SV2C: variants seen among roughly 807,000 people sequenced by gnomAD.
SV2C encodes synaptic vesicle glycoprotein 2C.
A neutral mutation model predicts 79.7 loss-of-function variants in SV2C; 49 were observed. The observed-to-expected ratio is 0.61, with a 90% CI of 0.49 to 0.78. The LOEUF (loss-of-function observed/expected upper bound fraction) is 0.78, where lower values mean the gene tolerates loss of function less well. Ranked by LOEUF, SV2C falls within the 30% of genes least tolerant of loss-of-function variation. SV2C has a pLI of 0.00. For missense variants in SV2C, 833 were observed against 912.9 expected, an observed-to-expected ratio of 0.91 and a Z score of 1.13; for synonymous variants, 334 against 333.2, an observed-to-expected ratio of 1.00 and a Z score of -0.03.
the SV2C span, among the ~76,000 whole-genome samples, chr5:76,051,721 A>G: frequency 6.6e-6 from 1 of 152,224 alleles, no homozygotes; most frequent in African/African-American, 2.4e-5. Context: ...CCCAAAAAAC[A>G]AACAAAATAT....
At chr5:75,982,313 A>G in the SV2C span, among the ~76,000 whole-genome samples, 2 of 152,246 alleles carry the variant, frequency 1.3e-5, no homozygotes, top group Admixed American at 1.3e-4. Context: ...GGACGTGAAC[A>G]GACACTTCTC....
chr5:75,918,427 G>T, the SV2C span, among the ~76,000 whole-genome samples: 1 of 152,196 alleles, frequency 6.6e-6, no homozygotes, highest in African/African-American at 2.4e-5. Context: ...ATGACAATTT[G>T]GTGTGACTTT....
intron 3 of SV2C, among the ~76,000 whole-genome samples, chr5:76,199,555 CTTCT>C (rs1328435453): frequency 3.3e-5 from 5 of 152,202 alleles, no homozygotes; most frequent in Non-Finnish European, 7.3e-5. Context: ...TTCTTATGTT[CTTCT>C]TTCTCTCCTC....
chr5:76,266,389 G>C (rs1424555481), intron 4 of SV2C, among the ~76,000 whole-genome samples: 3 of 152,040 alleles, frequency 2.0e-5, no homozygotes, highest in Non-Finnish European at 4.4e-5. Flanking sequence ...TGTATTTTCA[G>C]TAGAGACAGG....
At chr5:76,116,214 C>T (rs942568641) in intron 1 of SV2C, among the ~76,000 whole-genome samples, 17 of 152,202 alleles carry the variant, frequency 1.1e-4, no homozygotes, top group African/African-American at 3.9e-4. Context: ...GCTCTAACCC[C>T]TTACCCTGCC....
intron 4 of SV2C, among the ~76,000 whole-genome samples, chr5:76,259,687 G>T (rs1746402129): frequency 6.6e-6 from 1 of 151,748 alleles, no homozygotes; most frequent in Non-Finnish European, 1.5e-5. Flanking sequence ...TTATGAGTGA[G>T]AACATGCCGT....
At chr5:76,181,168 A>G (rs1274963635) in intron 2 of SV2C, among the ~76,000 whole-genome samples, 2 of 152,158 alleles carry the variant, frequency 1.3e-5, no homozygotes, top group Admixed American at 6.5e-5. Flanking sequence ...GAGTCCATAA[A>G]TGACAACCAA....
chr5:76,266,496 C>A (rs1031313750), intron 4 of SV2C, among the ~76,000 whole-genome samples: 8 of 152,238 alleles, frequency 5.3e-5, no homozygotes, highest in Non-Finnish European at 1.0e-4. Flanking sequence ...GCATGAGCCA[C>A]TGCACCCAGG....
At chr5:76,292,374 C>T (rs1164398970) in intron 8 of SV2C, among the ~76,000 whole-genome samples, 5 of 152,178 alleles carry the variant, frequency 3.3e-5, no homozygotes, top group Non-Finnish European at 1.5e-5. Context: ...CTACTTTACC[C>T]CACAGCACTT....
chr5:76,098,400 CA>C (rs1230094002), intron 1 of SV2C, among the ~76,000 whole-genome samples: 1 of 152,162 alleles, frequency 6.6e-6, no homozygotes, highest in East Asian at 1.9e-4. Context: ...AATCAGAAGA[CA>C]TTGAAAGAGT....
At chr5:75,968,929 G>C in the SV2C span, among the ~76,000 whole-genome samples, 1 of 152,206 alleles carries the variant, frequency 6.6e-6, no homozygotes, top group African/African-American at 2.4e-5. Flanking sequence ...CAGAGAGAAA[G>C]GTCGGGTTAC....
the SV2C span, among the ~76,000 whole-genome samples, chr5:76,035,360 C>G: frequency 1.6e-4 from 25 of 151,922 alleles, no homozygotes; most frequent in African/African-American, 5.6e-4. Flanking sequence ...AATTTTGGAT[C>G]TTTCCTCCTT....
At chr5:76,236,560 T>TAA (rs1429324932) in intron 4 of SV2C, among the ~76,000 whole-genome samples, 5 of 109,432 alleles carry the variant, frequency 4.6e-5, no homozygotes, top group African/African-American at 1.7e-4. Context: ...AGACCCTGTA[T>TAA]CAAAAAAATA....
At chr5:76,173,969 A>G (rs762793305) in intron 2 of SV2C, 1 of 1,560,862 alleles carries the variant, frequency 6.4e-7, no homozygotes, top group African/African-American at 1.4e-5. Context: ...TCCATTTTTC[A>G]TGTATAAATC....
At chr5:76,303,067 G>C (rs1362138867) in intron 12 of SV2C, among the ~76,000 whole-genome samples, 1 of 152,020 alleles carries the variant, frequency 6.6e-6, no homozygotes, top group East Asian at 1.9e-4. Context: ...TGAGCTTGCA[G>C]AACCCTGTAG....
intron 12 of SV2C, among the ~76,000 whole-genome samples, chr5:76,340,755 AG>A (rs1301757352): frequency 1.3e-5 from 2 of 152,124 alleles, no homozygotes; most frequent in Non-Finnish European, 2.9e-5. Context: ...CAAATTTTCT[AG>A]TTTTGCAAAT....
the SV2C span, among the ~76,000 whole-genome samples, chr5:75,897,168 C>T: frequency 6.7e-6 from 1 of 150,270 alleles, no homozygotes; most frequent in Non-Finnish European, 1.5e-5. Context: ...AATGGTAATG[C>T]CTAGGTTTTC....
At chr5:75,856,509 A>G in the SV2C span, among the ~76,000 whole-genome samples, 1 of 152,144 alleles carries the variant, frequency 6.6e-6, no homozygotes, top group Non-Finnish European at 1.5e-5. Context: ...ATAACATCTC[A>G]TTGTAGTTTT....
At chr5:75,880,320 T>C in the SV2C span, among the ~76,000 whole-genome samples, 1 of 152,132 alleles carries the variant, frequency 6.6e-6, no homozygotes, top group African/African-American at 2.4e-5. Flanking sequence ...AGGCTGAACA[T>C]TTTCCAAACT....
Sources: allele counts gnomAD v4.1 joint callset (sites outside exome capture counted in the v4.1 genomes callset), GRCh38; gene constraint gnomAD v4.1.1; transcripts MANE v1.5; gene names NCBI Gene and HGNC (gene_info 2026-07-23, HGNC 2026-07-21).